DMXL1: variants seen among roughly 807,000 people sequenced by gnomAD.
DMXL1 encodes Dmx like 1.
DMXL1 carries 99 observed loss-of-function variants against 319.2 expected under a neutral mutation model. The observed-to-expected ratio is 0.31, with a 90% CI of 0.26 to 0.37. The LOEUF (loss-of-function observed/expected upper bound fraction) is 0.37, where lower values mean the gene tolerates loss of function less well. Among genes scored for constraint, DMXL1 ranks in the 10% least tolerant of loss-of-function variants. DMXL1 has a pLI of 1.00. For missense variants in DMXL1, 3,745 were observed against 3,595.6 expected (o/e 1.04, Z -1.06); for synonymous variants, 1,385 against 1,235.2 (o/e 1.12, Z -2.54).
intron 29 of DMXL1, 94 bp downstream of exon 29, chr5:119,189,980 TC>T: frequency 1.5e-6 from 2 of 1,295,304 alleles, no homozygotes; most frequent in Non-Finnish European, 2.1e-6. Flanking sequence ...CCAAATGTTT[TC>T]CCACTTTGGT....
chr5:119,171,090 C>G lies in DMXL1; in HGVS notation c.6299C>G (p.Ala2100Gly). ...GATGAATTTGGATTAAATGAGGATG[C>G]TGAAGATTTGCCTCACCAAACAAAA... ...NEDEFGLNED[A>G]EDLPHQTKVK... Residue 2100 changes from alanine to glycine, a missense_variant, in exon 24 of 44, where the codon GCT (alanine) becomes GGT (glycine). Coordinates refer to ENST00000539542, the MANE Select transcript of DMXL1 (RefSeq NM_001290321.3). The G allele has an allele frequency of 1.2e-6, 2 of 1,613,782 alleles. No homozygotes were observed. Among genetic ancestry groups the G allele is most frequent in the South Asian group, 1.1e-5 (1 of 91,062 alleles).
At chr5:119,173,054 C>T (rs186895531) in intron 25 of DMXL1, among the ~76,000 whole-genome samples, 2 of 152,140 alleles carry the variant, frequency 1.3e-5, no homozygotes, top group East Asian at 1.9e-4. Context: ...AAGAACTGTC[C>T]TGAGGCCAGT....
chr5:119,171,170 C>T lies in DMXL1; in HGVS notation c.6379C>T (p.Gln2127Ter). The T allele has an allele frequency of 6.2e-7, 1 of 1,613,982 alleles. No homozygotes were observed. The highest frequency in any genetic ancestry group is 8.5e-7 in the Non-Finnish European group (1 of 1,179,904). Residue 2127 changes from glutamine to a stop codon, truncating the protein, a stop_gained, in exon 24 of 44, where the codon CAG becomes TAG. Transcript: ENST00000539542. LOFTEE classifies it high-confidence loss of function. ...QEKRQWLLKYQSLLRMFLSYC... is the reference protein window; with the variant it reads ...QEKRQWLLKY ...AAAAAGACAGTGGCTCTTGAAGTAT[C>T]AGTCACTTTTGAGAATGTTTCTTAG...
At chr5:119,131,867 C>T (rs1251764246) in intron 10 of DMXL1, among the ~76,000 whole-genome samples, 2 of 152,120 alleles carry the variant, frequency 1.3e-5, no homozygotes, top group Non-Finnish European at 2.9e-5. Context: ...CATCTTGAAT[C>T]CATTTATAAA....
Position 119,149,578 on chromosome 5 carries a change from A to G in DMXL1, c.3751A>G (p.Ile1251Val), listed in dbSNP as rs769602354. 3.1e-6 allele frequency: 5 copies of G among 1,613,872 alleles called. No homozygotes were observed. The East Asian group carries it at 1.1e-4, about 36-fold the overall frequency. ...WQPSSKQEPVITDSYSGSTPS... is the reference protein window; with the variant it reads ...WQPSSKQEPVVTDSYSGSTPS... ...ACCATCTTCTAAACAAGAACCTGTT[A>G]TAACAGATTCGTACAGTGGGAGCAC... The change falls in exon 18 of 44, where the codon ATA (isoleucine) becomes GTA (valine). Residue 1251 changes from isoleucine to valine, a missense_variant. Coordinates refer to ENST00000539542, the MANE Select transcript of DMXL1 (RefSeq NM_001290321.3).
In DMXL1 at chr5:119,117,533, G is replaced by C. The variant is rs138564071; in HGVS notation, c.743+1197G>C. Among the ~76,000 whole-genome samples, 26 of 152,156 alleles carry C rather than the reference G, an allele frequency of 1.7e-4. 1 individual carries two copies. In the East Asian group the frequency reaches 5.0e-3, roughly 29 times the overall value. ...GAGATGGGTGTGAGGATGGGGAAAG[G>C]AGGAGAAACAAGGGGTTGGGGAAGG... is the stretch of plus-strand genomic sequence containing the variant. On this transcript the variant is annotated intron_variant, in intron 7 of 43. Coordinates refer to ENST00000539542, the MANE Select transcript of DMXL1 (RefSeq NM_001290321.3).
At chr5:119,087,289 T>C (rs565060234) in intron 1 of DMXL1, among the ~76,000 whole-genome samples, 4 of 152,126 alleles carry the variant, frequency 2.6e-5, no homozygotes, top group Non-Finnish European at 4.4e-5. Context: ...TTTTCTTTTT[T>C]CTGCTTTTTT....
chr5:119,078,283 A>G (rs796625527), intron 1 of DMXL1, among the ~76,000 whole-genome samples: 6 of 151,954 alleles, frequency 3.9e-5, no homozygotes, highest in African/African-American at 1.4e-4. Context: ...CCTGGCTCAT[A>G]TTTTCACTTT....
At chr5:119,228,153 G>GT (rs1393504915) in intron 38 of DMXL1, among the ~76,000 whole-genome samples, 1 of 152,140 alleles carries the variant, frequency 6.6e-6, no homozygotes, top group Non-Finnish European at 1.5e-5. Flanking sequence ...GAATTTATAA[G>GT]TTTTTTCCCT....
chr5:119,247,225 T>G lies in DMXL1; in HGVS notation c.*6T>G. 6.3e-7 allele frequency: 1 copy of G among 1,598,136 alleles called. No homozygotes were observed. Among genetic ancestry groups the G allele is most frequent in the Non-Finnish European group, 8.6e-7 (1 of 1,166,604 alleles). ...ATGTGAAATTTATGCTATAACATTTTTACAATAAGATGTACAATTTATTAC... is the reference window on the plus strand; with the variant it reads ...ATGTGAAATTTATGCTATAACATTTGTACAATAAGATGTACAATTTATTAC... On this transcript the variant is annotated 3_prime_UTR_variant, in exon 44 of 44. Transcript: ENST00000539542.
chr5:119,234,484 C>A (rs1005762244), intron 39 of DMXL1, among the ~76,000 whole-genome samples: 1 of 152,068 alleles, frequency 6.6e-6, no homozygotes, highest in Admixed American at 6.6e-5. Flanking sequence ...GTGCTGCAAC[C>A]TTTTTTGTCT....
Position 119,220,955 on chromosome 5 carries a change from G to T in DMXL1, c.8151G>T (p.Leu2717Phe). The change falls in exon 37 of 44, where the codon TTG (leucine) becomes TTT (phenylalanine). Residue 2717 changes from leucine (L) to phenylalanine (F), a missense_variant. By Grantham distance (22) the Leu-to-Phe change is conservative (BLOSUM62 0). Around this residue, in one of 4 missense-constraint regions of DMXL1, gnomAD observed 1,382 missense variants for 1,269.5 expected, o/e 1.09. Coordinates refer to ENST00000539542, the MANE Select transcript of DMXL1 (RefSeq NM_001290321.3). Reference sequence around the variant, plus strand: ...TCCTTTATAGATCAGAAGATTTCTTGGTTATACATGCTCGTGATGATTTAA... The same window carrying T: ...TCCTTTATAGATCAGAAGATTTCTTTGTTATACATGCTCGTGATGATTTAA... ...EVETKGSEDF[L>F]VIHARDDLTA... The T allele has an allele frequency of 6.2e-7, 1 of 1,613,030 alleles. No homozygotes were observed. Among genetic ancestry groups the T allele is most frequent in the Non-Finnish European group, 8.5e-7 (1 of 1,179,490 alleles).
At chr5:119,075,943 T>A (rs1750744924) in intron 1 of DMXL1, among the ~76,000 whole-genome samples, 1 of 152,246 alleles carries the variant, frequency 6.6e-6, no homozygotes. Flanking sequence ...TTAATTAGAA[T>A]CTACATTTAT....
intron 4 of DMXL1, among the ~76,000 whole-genome samples, 169 bp from the exon 5 acceptor site, chr5:119,109,982 T>A (rs1305621156): frequency 6.6e-6 from 1 of 152,242 alleles, no homozygotes; most frequent in Non-Finnish European, 1.5e-5. Flanking sequence ...TTCCTTTCTA[T>A]CTCAAGCTAT....
chr5:119,117,607 G>A (rs879468292), intron 7 of DMXL1, among the ~76,000 whole-genome samples: 8 of 152,012 alleles, frequency 5.3e-5, no homozygotes, highest in Non-Finnish European at 1.0e-4. Flanking sequence ...GAAGGAGAGA[G>A]GTAGAAAGGG....
chr5:119,133,245 C>A lies in DMXL1; in HGVS notation c.1429C>A (p.His477Asn). 2 of 1,614,164 alleles carry A rather than the reference C, an allele frequency of 1.2e-6. No individual in the cohort carries two copies. The highest frequency in any genetic ancestry group is 1.7e-6 in the Non-Finnish European group (2 of 1,180,024). ...FTSLSSAAIDHQIEVLLSEWS... is the reference protein window; with the variant it reads ...FTSLSSAAIDNQIEVLLSEWS... ...ATCATTATCGTCAGCTGCCATTGAT[C>A]ATCAGATTGAAGTACTTCTGTCTGA... The change falls in exon 11 of 44, where the codon CAT (histidine) becomes AAT (asparagine). Residue 477 changes from histidine to asparagine, a missense_variant. Coordinates refer to ENST00000539542, the MANE Select transcript of DMXL1 (RefSeq NM_001290321.3).
chr5:119,088,131 G>T (rs1277274165), intron 1 of DMXL1, among the ~76,000 whole-genome samples: 2 of 152,126 alleles, frequency 1.3e-5, no homozygotes, highest in Non-Finnish European at 2.9e-5. Flanking sequence ...GAGAGCTCTG[G>T]TGTTGGGCGA....
At chr5:119,131,817 A>G (rs1370270064) in intron 10 of DMXL1, among the ~76,000 whole-genome samples, 1 of 152,226 alleles carries the variant, frequency 6.6e-6, no homozygotes, top group Non-Finnish European at 1.5e-5. Context: ...CTTTTAATGC[A>G]GAGCCCATTT....
chr5:119,170,319 A>G lies in DMXL1; in HGVS notation c.5528A>G (p.Lys1843Arg). ...TFSTHMSLTG[K>R]SGLAGTINLS... Reference sequence around the variant, plus strand: ...TCCACACATATGAGCCTAACAGGAAAAAGTGGACTGGCAGGAACAATTAAT... The same window carrying G: ...TCCACACATATGAGCCTAACAGGAAGAAGTGGACTGGCAGGAACAATTAAT... Residue 1843 changes from lysine to arginine, a missense_variant, in exon 24 of 44, where the codon AAA becomes AGA. Physicochemically the swap from Lys to Arg is conservative, Grantham distance 26. Transcript: ENST00000539542. 6.2e-7 allele frequency: 1 copy of G among 1,614,062 alleles called. No homozygotes were observed. The highest frequency in any genetic ancestry group is 8.5e-7 in the Non-Finnish European group (1 of 1,179,976).
Sources: gnomAD v4.1 joint callset for allele counts (sites outside exome capture counted in the v4.1 genomes callset) on GRCh38, gnomAD v4.1.1 for gene constraint, gnomAD v4.1.1 regional missense constraint, MANE v1.5 for transcripts, NCBI Gene and HGNC (gene_info 2026-07-23, HGNC 2026-07-21) for gene names.